Variants in PIWIL2 observed in about 807,000 individuals in gnomAD.
PIWIL2 encodes piwi like RNA-mediated gene silencing 2, also known as piwi-like protein 2.
A neutral mutation model predicts 116.5 loss-of-function variants in PIWIL2; 81 were observed. That is an observed-to-expected ratio of 0.70 (90% CI 0.58 to 0.84). The LOEUF is 0.84. Among genes scored for constraint, PIWIL2 ranks in the 40% least tolerant of loss-of-function variants. The pLI, the probability that PIWIL2 is intolerant of heterozygous loss-of-function variation, is 0.00. For synonymous variants in PIWIL2, 489 were observed against 429.5 expected, an observed-to-expected ratio of 1.14 and a Z score of -1.71; for missense variants, 1,272 against 1,212.3, an observed-to-expected ratio of 1.05 and a Z score of -0.73.
intron 20 of PIWIL2, among the ~76,000 whole-genome samples, chr8:22,329,947 C>CCTTA (rs1295814428): frequency 2.6e-5 from 4 of 152,020 alleles, no homozygotes; most frequent in African/African-American, 4.8e-5. Context: ...GCTTGGTGTC[C>CCTTA]CTTAGGCTTT....
chr8:22,348,800 A>G (rs1231801873), intron 20 of PIWIL2, among the ~76,000 whole-genome samples: 1 of 152,192 alleles, frequency 6.6e-6, no homozygotes, highest in Admixed American at 6.5e-5. Context: ...GATTTGTCCT[A>G]TATTCTGACT....
chr8:22,278,838 G>T (rs1006350297), intron 1 of PIWIL2, among the ~76,000 whole-genome samples: 1 of 152,122 alleles, frequency 6.6e-6, no homozygotes, highest in Non-Finnish European at 1.5e-5. Context: ...TGTGAACTTC[G>T]CATTGGAGGG....
At chr8:22,294,428 T>A (rs1830839459) in intron 10 of PIWIL2, among the ~76,000 whole-genome samples, 1 of 146,836 alleles carries the variant, frequency 6.8e-6, no homozygotes, top group Admixed American at 6.8e-5. Flanking sequence ...GATCATGAAG[T>A]CAGGCGATCG....
chr8:22,324,202 T>C (rs1007299858), intron 20 of PIWIL2, among the ~76,000 whole-genome samples: 1 of 152,160 alleles, frequency 6.6e-6, no homozygotes, highest in Admixed American at 6.5e-5. Context: ...GTGAAGGTTG[T>C]AGTGTGCCAA....
intron 22 of PIWIL2, 112 bp downstream of exon 22, chr8:22,354,490 A>G (rs1832446789): frequency 1.2e-5 from 7 of 586,024 alleles, no homozygotes; most frequent in Non-Finnish European, 2.1e-5. Context: ...TTTTCTTCAT[A>G]TCTTTGACAA....
chr8:22,328,818 G>GTTTTTTTTTTTTTTTTTTT (rs57027657), intron 20 of PIWIL2, among the ~76,000 whole-genome samples: 5 of 107,160 alleles, frequency 4.7e-5, no homozygotes, highest in Admixed American at 1.1e-4. Flanking sequence ...AGCTCTAGTC[G>GTTTTTTTTTTTTTTTTTTT]TTTTTTTTTT....
In PIWIL2 at chr8:22,315,079, C is replaced by T. The variant is rs142031010; in HGVS notation, c.2142C>T (p.Ala714=). ...IGQPTRLRSV[A]QKILLQINCK... ...AGCCCACCAGGCTTCGGAGTGTGGC[C>T]CAGAAGATTTTACTTCAGATTAACT... is the stretch of plus-strand genomic sequence containing the variant. Residue 714 remains alanine (A), a synonymous_variant, in exon 18 of 23, where the codon GCC becomes GCT. Coordinates refer to ENST00000356766, the MANE Select transcript of PIWIL2 (RefSeq NM_018068.5). The T allele has an allele frequency of 6.2e-7, 1 of 1,613,690 alleles. No homozygotes were observed. The highest frequency in any genetic ancestry group is 1.3e-5 in the African/African-American group (1 of 74,962).
intron 20 of PIWIL2, among the ~76,000 whole-genome samples, chr8:22,342,366 G>C (rs1481395428): frequency 6.6e-6 from 1 of 152,162 alleles, no homozygotes; most frequent in African/African-American, 2.4e-5. Flanking sequence ...ATACTGCCTA[G>C]CTCAAAGACT....
In PIWIL2 at chr8:22,284,220, G is replaced by A. The variant is rs148126788; in HGVS notation, c.691G>A (p.Val231Ile). ...GTPQSLGLNL[V>I]KIQCHNEAVY... ...ACCTCAGTCTTTGGGACTGAACCTCGTCAAAATACAGTGTCATAATGAAGC... is the reference window on the plus strand; with the variant it reads ...ACCTCAGTCTTTGGGACTGAACCTCATCAAAATACAGTGTCATAATGAAGC... Residue 231 changes from valine (V) to isoleucine (I), a missense_variant, in exon 6 of 23, where the codon GTC becomes ATC. Transcript: ENST00000356766. 2.0e-5 allele frequency: 32 copies of A among 1,607,250 alleles called. No homozygotes were observed. The African/African-American group carries it at 2.7e-4, about 13-fold the overall frequency.
At chr8:22,340,045 ATTTTTTTTT>A (rs10626386) in intron 20 of PIWIL2, among the ~76,000 whole-genome samples, 5 of 93,772 alleles carry the variant, frequency 5.3e-5, no homozygotes, top group African/African-American at 1.2e-4. Context: ...TATAAAAAGA[ATTTTTTTTT>A]TTTTTTTTTT....
intron 20 of PIWIL2, among the ~76,000 whole-genome samples, chr8:22,345,154 A>G (rs1023295918): frequency 9.9e-5 from 15 of 152,174 alleles, no homozygotes; most frequent in African/African-American, 3.6e-4. Context: ...TAGCCACAAT[A>G]CTCCAGCCAG....
intron 16 of PIWIL2, among the ~76,000 whole-genome samples, chr8:22,313,629 C>G (rs1831385044): frequency 6.6e-6 from 1 of 152,162 alleles, no homozygotes. Flanking sequence ...GAGTAGGGTA[C>G]CACTGATTTA....
chr8:22,338,874 A>C (rs1372405896), intron 20 of PIWIL2, among the ~76,000 whole-genome samples: 1 of 152,202 alleles, frequency 6.6e-6, no homozygotes, highest in African/African-American at 2.4e-5. Flanking sequence ...ATGGAAATGC[A>C]AAAACATAGA....
At chr8:22,343,748 G>A (rs190758989) in intron 20 of PIWIL2, among the ~76,000 whole-genome samples, 11 of 152,360 alleles carry the variant, frequency 7.2e-5, no homozygotes, top group African/African-American at 2.6e-4. Context: ...AAATGCTGGT[G>A]AGGGTGTAGA....
At chr8:22,352,028 T>C (rs971815162) in intron 20 of PIWIL2, among the ~76,000 whole-genome samples, 12 of 152,212 alleles carry the variant, frequency 7.9e-5, no homozygotes, top group African/African-American at 2.2e-4. Flanking sequence ...TGCTGCAACC[T>C]CCACCCCATG....
At chr8:22,318,649 G>A (rs1265920854) in intron 20 of PIWIL2, among the ~76,000 whole-genome samples, 1 of 152,140 alleles carries the variant, frequency 6.6e-6, no homozygotes, top group Non-Finnish European at 1.5e-5. Flanking sequence ...TTACCTATGT[G>A]AACACTTTAC....
chr8:22,290,842 G>C (rs1022524061), intron 10 of PIWIL2, among the ~76,000 whole-genome samples: 2 of 151,928 alleles, frequency 1.3e-5, no homozygotes, highest in African/African-American at 4.8e-5. Context: ...ATAGACATCT[G>C]CTGTGCTTTG....
intron 20 of PIWIL2, among the ~76,000 whole-genome samples, chr8:22,327,298 A>G (rs757064467): frequency 3.3e-5 from 5 of 149,622 alleles, no homozygotes; most frequent in East Asian, 1.9e-4. Context: ...CAGCCTCCCA[A>G]AGTGAGGCAC....
chr8:22,289,668 T>G (rs1222915432), intron 8 of PIWIL2, among the ~76,000 whole-genome samples, 179 bp from the exon 9 acceptor site: 1 of 152,244 alleles, frequency 6.6e-6, no homozygotes, highest in Admixed American at 6.5e-5. Flanking sequence ...TTCAGTCAAA[T>G]GCTTTGGCAG....
Sources: allele counts gnomAD v4.1 joint callset (sites outside exome capture counted in the v4.1 genomes callset), GRCh38; gene constraint gnomAD v4.1.1; transcripts MANE v1.5; gene names NCBI Gene and HGNC (gene_info 2026-07-23, HGNC 2026-07-21).